AZIN2: variants seen among roughly 807,000 people sequenced by gnomAD.
AZIN2 encodes the protein ODC antizyme inhibitor-2.
A neutral mutation model predicts 47.8 loss-of-function variants in AZIN2; 28 were observed. That is an observed-to-expected ratio of 0.59 (90% CI 0.43 to 0.80). The LOEUF is 0.80. AZIN2 is among the 30% of genes least tolerant of loss of function. The probability of loss-of-function intolerance (pLI) is 0.00; values close to 1 mark genes in which losing one functional copy is unlikely to be tolerated. For missense variants in AZIN2, 535 were observed against 582.5 expected (o/e 0.92, Z 0.84); for synonymous variants, 221 against 239.4 (o/e 0.92, Z 0.71).
At chr1:33,153,766 C>G in the AZIN2 span, among the ~76,000 whole-genome samples, 1 of 152,236 alleles carries the variant, frequency 6.6e-6, no homozygotes, top group Admixed American at 6.5e-5. Context: ...TCAGCAAATA[C>G]TTACTAAGCA....
At chr1:33,138,078 T>G in the AZIN2 span, among the ~76,000 whole-genome samples, 1 of 151,400 alleles carries the variant, frequency 6.6e-6, no homozygotes, top group East Asian at 1.9e-4. Flanking sequence ...TCAGGGGAGG[T>G]GGAGGAGGCA....
chr1:33,097,982 C>T (rs761135019), intron 9 of AZIN2, 85 bp from the exon 10 acceptor site: 2 of 978,228 alleles, frequency 2.0e-6, no homozygotes, highest in Admixed American at 4.0e-5. Flanking sequence ...ATTTTGCTTC[C>T]TTACTGAGCC....
At chr1:33,082,382 C>A (rs1457719719) in intron 4 of AZIN2, 28 bp downstream of exon 4, 3 of 1,577,604 alleles carry the variant, frequency 1.9e-6, no homozygotes, top group African/African-American at 1.3e-5. Flanking sequence ...GGGGTGGGTC[C>A]CCGGTCCCCT....
chr1:33,126,596 A>C (rs2124687287), downstream of AZIN2, among the ~76,000 whole-genome samples: 1 of 152,218 alleles, frequency 6.6e-6, no homozygotes, highest in South Asian at 2.1e-4. Flanking sequence ...TAGATCCTGC[A>C]CTAGGAAGAC....
chr1:33,126,533 T>C (rs374043142), downstream of AZIN2, among the ~76,000 whole-genome samples: 4 of 152,182 alleles, frequency 2.6e-5, no homozygotes, highest in East Asian at 7.7e-4. Context: ...GGTGGTGCGG[T>C]ACCCCTGAAT....
the AZIN2 span, chr1:33,147,585 C>A: frequency 6.2e-7 from 1 of 1,614,158 alleles, no homozygotes; most frequent in Non-Finnish European, 8.5e-7. The surrounding 1 kb of genome is among the most constrained non-coding windows in gnomAD (Gnocchi z 8.1). Context: ...CAGAACCCAG[C>A]ACCGACACCT....
At chr1:33,157,277 C>G in the AZIN2 span, among the ~76,000 whole-genome samples, 179 of 152,242 alleles carry the variant, frequency 1.2e-3, 2 homozygotes, top group African/African-American at 4.1e-3. Flanking sequence ...CTCTTCCTGC[C>G]TGGGAAACAG....
the AZIN2 span, chr1:33,141,962 C>T: frequency 2.6e-5 from 4 of 153,038 alleles, no homozygotes; most frequent in African/African-American, 9.6e-5. Context: ...CCCCTCCCCT[C>T]TCCTACTTTT....
chr1:33,135,936 C>T, the AZIN2 span, among the ~76,000 whole-genome samples: 3 of 151,404 alleles, frequency 2.0e-5, no homozygotes, highest in African/African-American at 7.3e-5. Context: ...GCCCAGCCCT[C>T]CCTCCCCACC....
intron 10 of AZIN2, among the ~76,000 whole-genome samples, chr1:33,101,498 T>G: frequency 1.4e-5 from 1 of 71,366 alleles, no homozygotes; most frequent in South Asian, 4.6e-4. Flanking sequence ...TGCCTGGTAT[T>G]TTTTTTTTTT....
intron 9 of AZIN2, 136 bp downstream of exon 9, chr1:33,097,005 A>G (rs1047073337): frequency 5.7e-6 from 6 of 1,058,034 alleles, no homozygotes; most frequent in Admixed American, 5.0e-5. Flanking sequence ...TGCTTTAGGG[A>G]AACTTTCAGT....
chr1:33,132,611 T>A, the AZIN2 span, among the ~76,000 whole-genome samples: 1 of 152,248 alleles, frequency 6.6e-6, no homozygotes, highest in Non-Finnish European at 1.5e-5. Context: ...TTGCTCCTTC[T>A]CTATGCTCCC....
At chr1:33,114,802 C>G (rs1270965773) in intron 10 of AZIN2, among the ~76,000 whole-genome samples, 1 of 151,660 alleles carries the variant, frequency 6.6e-6, no homozygotes, top group Admixed American at 6.6e-5. Flanking sequence ...GATTACACGC[C>G]CAGCTAATTT....
intron 7 of AZIN2, 33 bp from the exon 8 acceptor site, chr1:33,094,515 G>A (rs1337818137): frequency 6.3e-7 from 1 of 1,595,400 alleles, no homozygotes; most frequent in African/African-American, 1.3e-5. Flanking sequence ...TTGGAGCCCT[G>A]CATGTCAGCC....
chr1:33,132,798 T>C, the AZIN2 span, among the ~76,000 whole-genome samples: 2 of 152,218 alleles, frequency 1.3e-5, no homozygotes, highest in Non-Finnish European at 2.9e-5. Context: ...AACCTTGTGG[T>C]TGACACATAG....
intron 10 of AZIN2, among the ~76,000 whole-genome samples, chr1:33,111,309 T>C (rs1475602039): frequency 6.6e-6 from 1 of 152,188 alleles, no homozygotes; most frequent in Non-Finnish European, 1.5e-5. Context: ...AAAGTTAGAG[T>C]TGGTTCCTTA....
Position 33,082,734 on chromosome 1 carries a change from C to T in AZIN2, c.105+380C>T, listed in dbSNP as rs534350810. On this transcript the variant is annotated intron_variant, in intron 4 of 11. Coordinates refer to ENST00000294517, the MANE Select transcript of AZIN2 (RefSeq NM_052998.4). ...TCTCTCCAAAGGCCCCCTGATCTCC[C>T]GGTCTCATGCCACCCCCTCCAAAGG... 3.8e-5 allele frequency: 7 copies of T among 184,354 alleles called. No homozygotes were observed. The South Asian group carries it at 4.8e-4, about 13-fold the overall frequency. 11.4% of individuals were successfully genotyped at this position (184,354 alleles called of 1,614,324 possible).
the AZIN2 span, among the ~76,000 whole-genome samples, chr1:33,144,676 G>T: frequency 1.3e-5 from 2 of 152,134 alleles, no homozygotes; most frequent in Admixed American, 1.3e-4. Context: ...TTCCACTTAA[G>T]TGTGCACAGC....
At chr1:33,110,412 G>A (rs1644236578) in intron 10 of AZIN2, among the ~76,000 whole-genome samples, 1 of 152,152 alleles carries the variant, frequency 6.6e-6, no homozygotes, top group South Asian at 2.1e-4. Context: ...AAAGCAATAG[G>A]TAGCAGATCA....
Sources: gnomAD v4.1 joint callset for allele counts (sites outside exome capture counted in the v4.1 genomes callset) on GRCh38, gnomAD v4.1.1 for gene constraint, Gnocchi (gnomAD v3.1) non-coding constraint, MANE v1.5 for transcripts, NCBI Gene and HGNC (gene_info 2026-07-23, HGNC 2026-07-21) for gene names.